Variants in FAM174C observed in about 807,000 individuals in gnomAD.
FAM174C encodes family with sequence similarity 174 member C.
FAM174C carries 19 observed loss-of-function variants against 12.3 expected under a neutral mutation model. The observed-to-expected ratio is 1.55, with a 90% CI of 1.08 to 2.27. The LOEUF (loss-of-function observed/expected upper bound fraction) is 2.27, where lower values mean the gene tolerates loss of function less well. Among genes scored for constraint, FAM174C ranks in the 30% most tolerant of loss-of-function variants. The pLI is 0.00. For synonymous variants in FAM174C, 147 were observed against 103.5 expected (o/e 1.42, Z -2.55); for missense variants, 239 against 190.2 (o/e 1.26, Z -1.51).
chr19:1,279,014 TG>T lies in FAM174C; in HGVS notation c.*239del. ...TCGCCTCCTGGATGCTGTCCCAGCC[TG>T]GCCGAGGGTCCCAGGTGAAGACTGG... is the stretch of plus-strand genomic sequence containing the variant. On this transcript the variant is annotated 3_prime_UTR_variant, in exon 3 of 3. Transcript: ENST00000409293. 6.2e-7 allele frequency: 1 copy of T among 1,611,796 alleles called. No homozygotes were observed. The highest frequency in any genetic ancestry group is 2.2e-5 in the East Asian group (1 of 44,892).
chr19:1,276,574 T>C (rs1293937613), intron 1 of FAM174C: 1 of 152,344 alleles, frequency 6.6e-6, no homozygotes. Context: ...TAAGTTTTTA[T>C]TGTAGCGATG....
At chr19:1,277,138 G>A (rs2081418983) in intron 1 of FAM174C, 45 bp from the exon 2 acceptor site, 1 of 1,512,408 alleles carries the variant, frequency 6.6e-7, no homozygotes, top group Non-Finnish European at 9.0e-7. Context: ...GAGGAGGCAG[G>A]GTTGGCGGGG....
chr19:1,275,575 C>T lies in FAM174C; in HGVS notation c.26C>T (p.Pro9Leu). Residue 9 changes from proline (P) to leucine (L), a missense_variant, in exon 1 of 3, where the codon CCG (proline) becomes CTG (leucine). Coordinates refer to ENST00000409293, the MANE Select transcript of FAM174C (RefSeq NM_017914.4). MGPRVLQP[P>L]LLLLLLALLL... ...ATGGGGCCGCGCGTGCTGCAGCCGC[C>T]GCTGCTGCTGCTCCTGCTGGCGCTG... 4.9e-6 allele frequency: 6 copies of T among 1,226,146 alleles called. No individual in the cohort carries two copies. The highest frequency in any genetic ancestry group is 6.1e-6 in the Non-Finnish European group (6 of 985,188). 76.0% of individuals were successfully genotyped at this position (1,226,146 alleles called of 1,614,324 possible).
In FAM174C at chr19:1,275,708, G is replaced by A. The variant is rs1156601630; in HGVS notation, c.159G>A (p.Ala53=). 1 of 1,492,882 alleles carries A rather than the reference G, an allele frequency of 6.7e-7. No homozygotes were observed. Among genetic ancestry groups the A allele is most frequent in the Admixed American group, 2.4e-5 (1 of 42,164 alleles). 92.5% of individuals were successfully genotyped at this position (1,492,882 alleles called of 1,614,324 possible). ...PAVTNGSQPG[A]PHNSTHTRPP... ...TGACGAACGGGAGCCAGCCGGGCGC[G>A]CCACACAACAGCACGCACACGCGTC... The change falls in exon 1 of 3, where the codon GCG becomes GCA. Residue 53 remains alanine, a synonymous_variant. Coordinates refer to ENST00000409293, the MANE Select transcript of FAM174C (RefSeq NM_017914.4).
Position 1,275,663 on chromosome 19 carries a change from G to C in FAM174C, c.114G>C (p.Thr38=). 7.0e-7 allele frequency: 1 copy of C among 1,429,804 alleles called. No homozygotes were observed. The allele number at this position is 1,429,804 out of a possible 1,614,324, so 88.6% of individuals were successfully genotyped here. Residue 38 remains threonine, a synonymous_variant, in exon 1 of 3, where the codon ACG becomes ACC. Transcript: ENST00000409293. ...CGCCGCTGCGCCCCGCGCAGGTCAC[G>C]TTGTCGCCGCCGCCGGCCGTGACGA... ...EASPLRPAQV[T]LSPPPAVTNG...
intron 1 of FAM174C, 75 bp downstream of exon 1, chr19:1,275,905 C>A: frequency 7.3e-7 from 1 of 1,366,620 alleles, no homozygotes; most frequent in Non-Finnish European, 1.0e-6. Flanking sequence ...ACGTGCCGGG[C>A]CGCGGGGTCC....
rs1017902638 is a variant in FAM174C, at chr19:1,279,161, C to T, written c.*384C>T. On this transcript the variant is annotated 3_prime_UTR_variant, in exon 3 of 3. Transcript: ENST00000409293. ...GAGCCAAGGCTGGGTGGGCAGGTGA[C>T]CCAAGGAACCTTTCTGGGAACACCT... The T allele has an allele frequency of 2.5e-6, 4 of 1,612,942 alleles. No individual in the cohort carries two copies. The highest frequency in any genetic ancestry group is 3.4e-6 in the Non-Finnish European group (4 of 1,179,858).
intron 1 of FAM174C, 144 bp downstream of exon 1, chr19:1,275,974 G>C (rs889425732): frequency 1.3e-6 from 1 of 789,566 alleles, no homozygotes; most frequent in South Asian, 1.8e-5. Flanking sequence ...GGGCGGTGCT[G>C]TGCGGGGTCG....
chr19:1,279,036 A>C lies in FAM174C; in HGVS notation c.*259A>C, dbSNP rs2081428176. 1.2e-6 allele frequency: 2 copies of C among 1,611,620 alleles called. No homozygotes were observed. The highest frequency in any genetic ancestry group is 1.7e-6 in the Non-Finnish European group (2 of 1,179,978). ...GCCTGGCCGAGGGTCCCAGGTGAAGACTGGAGGGACCCCAACAGCCACCGC... is the reference window on the plus strand; with the variant it reads ...GCCTGGCCGAGGGTCCCAGGTGAAGCCTGGAGGGACCCCAACAGCCACCGC... On this transcript the variant is annotated 3_prime_UTR_variant, in exon 3 of 3. Coordinates refer to ENST00000409293, the MANE Select transcript of FAM174C (RefSeq NM_017914.4).
Position 1,277,228 on chromosome 19 carries a change from TGAG to T in FAM174C, c.330_332del (p.Glu110del). 6.5e-7 allele frequency: 1 copy of T among 1,549,724 alleles called. No homozygotes were observed. Among genetic ancestry groups the T allele is most frequent in the Non-Finnish European group, 8.7e-7 (1 of 1,145,960 alleles). On this transcript the variant is annotated inframe_deletion, in exon 2 of 3. Transcript: ENST00000409293. ...GGCGATACGGCCTCCTCGCCAACAC[TGAG>T]GACCCCACGGAGATGGCCTCGCTGG...
chr19:1,278,269 G>A (rs1236063924), intron 2 of FAM174C, among the ~76,000 whole-genome samples: 2 of 20,640 alleles, frequency 9.7e-5, no homozygotes, highest in Non-Finnish European at 1.9e-4. Flanking sequence ...CAGGCCGAGG[G>A]AACAGCAGGG....
chr19:1,277,182 G>A lies in FAM174C; in HGVS notation c.282-1G>A, dbSNP rs777728540. On this transcript the variant is annotated splice_acceptor_variant, in intron 1 of 2. Transcript: ENST00000409293. LOFTEE classifies it high-confidence loss of function. ...CTGACTATGCCTGGACCTACTTCCA[G>A]GTTGAAGAAGCCTCAGCGGAGGCGA... 6.5e-7 allele frequency: 1 copy of A among 1,537,826 alleles called. No individual in the cohort carries two copies. Among genetic ancestry groups the A allele is most frequent in the Non-Finnish European group, 8.8e-7 (1 of 1,136,244 alleles).
In FAM174C at chr19:1,279,151, G is replaced by A; in HGVS notation, c.*374G>A. ...TGGCAGCCCAGAGCCAAGGCTGGGT[G>A]GGCAGGTGACCCAAGGAACCTTTCT... On this transcript the variant is annotated 3_prime_UTR_variant, in exon 3 of 3. Coordinates refer to ENST00000409293, the MANE Select transcript of FAM174C (RefSeq NM_017914.4). The A allele has an allele frequency of 6.2e-7, 1 of 1,613,028 alleles. No individual in the cohort carries two copies.
In FAM174C at chr19:1,275,695, G is replaced by A. The variant is rs1600040540; in HGVS notation, c.146G>A (p.Ser49Asn). Residue 49 changes from serine (S) to asparagine (N), a missense_variant, in exon 1 of 3, where the codon AGC (serine) becomes AAC (asparagine). Transcript: ENST00000409293. ...CCGCCGCCGGCCGTGACGAACGGGA[G>A]CCAGCCGGGCGCGCCACACAACAGC... ...LSPPPAVTNGSQPGAPHNSTH... is the reference protein window; with the variant it reads ...LSPPPAVTNGNQPGAPHNSTH... The A allele has an allele frequency of 1.3e-6, 2 of 1,484,530 alleles. No individual in the cohort carries two copies. Among genetic ancestry groups the A allele is most frequent in the Non-Finnish European group, 1.8e-6 (2 of 1,126,920 alleles). 92.0% of individuals were successfully genotyped at this position (1,484,530 alleles called of 1,614,324 possible). A position where few individuals can be genotyped will look rare whatever the true frequency, so the allele number is the denominator to read the frequency against.
At chr19:1,276,979 C>T in intron 1 of FAM174C, 1 of 733,708 alleles carries the variant, frequency 1.4e-6, no homozygotes, top group Non-Finnish European at 2.0e-6. Context: ...CCTGGTAGGG[C>T]ACATGTCTTC....
chr19:1,275,859 C>T (rs1310409214), intron 1 of FAM174C, 29 bp downstream of exon 1: 1 of 1,530,942 alleles, frequency 6.5e-7, no homozygotes, highest in Non-Finnish European at 8.7e-7. Context: ...GGCGCCGTCT[C>T]TCAGCCTTGG....
chr19:1,275,793 G>A lies in FAM174C; in HGVS notation c.244G>A (p.Gly82Ser), dbSNP rs966852522. Reference sequence around the variant, plus strand: ...CTTCTACGTGATCCTGGGCTTCTGCGGCCTGACCGCGCTCTACTTCCTGAT... The same window carrying A: ...CTTCTACGTGATCCTGGGCTTCTGCAGCCTGACCGCGCTCTACTTCCTGAT... Reference protein sequence around the residue: ...RSFYVILGFCGLTALYFLIRA... With the variant: ...RSFYVILGFCSLTALYFLIRA... The change falls in exon 1 of 3, where the codon GGC (glycine) becomes AGC (serine). Residue 82 changes from glycine (G) to serine (S), a missense_variant. Physicochemically the swap from Gly to Ser is moderately conservative, Grantham distance 56. Transcript: ENST00000409293. The A allele has an allele frequency of 4.5e-6, 7 of 1,538,864 alleles. No homozygotes were observed. The highest frequency in any genetic ancestry group is 2.5e-5 in the East Asian group (1 of 40,756).
At chr19:1,275,915 C>CT in intron 1 of FAM174C, 85 bp downstream of exon 1, 1 of 1,238,500 alleles carries the variant, frequency 8.1e-7, no homozygotes, top group Non-Finnish European at 1.1e-6. Context: ...CCGCGGGGTC[C>CT]TCCCCTCCCT....
intron 2 of FAM174C, among the ~76,000 whole-genome samples, 194 bp from the exon 3 acceptor site, chr19:1,278,583 G>T (rs1449794187): frequency 6.7e-6 from 1 of 148,744 alleles, no homozygotes; most frequent in African/African-American, 2.5e-5. Context: ...TCCTGGCTGG[G>T]GGCCCCTTCC....
Sources: allele counts gnomAD v4.1 joint callset (sites outside exome capture counted in the v4.1 genomes callset), GRCh38; gene constraint gnomAD v4.1.1; transcripts MANE v1.5; gene names NCBI Gene and HGNC (gene_info 2026-07-23, HGNC 2026-07-21).